ARID1A: variants seen among roughly 807,000 people sequenced by gnomAD.
ARID1A encodes the protein AT-rich interactive domain-containing protein 1A.
In ARID1A, 20 loss-of-function variants were observed where a neutral mutation model predicts 212.6. The observed-to-expected ratio is 0.09, with a 90% CI of 0.07 to 0.14. ARID1A has a LOEUF of 0.14. Ranked by LOEUF, ARID1A falls within the 10% of genes least tolerant of loss-of-function variation. The pLI, the probability that ARID1A is intolerant of heterozygous loss-of-function variation, is 1.00. For synonymous variants in ARID1A, 1,376 were observed against 1,222.1 expected (o/e 1.13, Z -2.63); for missense variants, 2,587 against 3,059.0 (o/e 0.85, Z 3.64).
In ARID1A at chr1:26,739,760, C is replaced by CT. The variant is rs202041056; in HGVS notation, c.1920+6970dup. On this transcript the variant is annotated intron_variant, in intron 4 of 19. Coordinates refer to ENST00000324856, the MANE Select transcript of ARID1A (RefSeq NM_006015.6). ...CTCTATGGTGCTCATCACTGGATCC[C>CT]TTCCTTTAGTGGGGCCAAACTTAGT... 6.6e-4 allele frequency among the ~76,000 whole-genome samples: 101 copies of CT among 152,278 alleles called. No homozygotes were observed. The East Asian group carries it at 7.0e-3, about 10-fold the overall frequency.
At chr1:26,703,358 C>T (rs1269303878) in intron 1 of ARID1A, among the ~76,000 whole-genome samples, 2 of 152,136 alleles carry the variant, frequency 1.3e-5, no homozygotes, top group African/African-American at 4.8e-5. Flanking sequence ...TGTCTGTGGT[C>T]CTCTTCTTTG....
chr1:26,731,499 G>A lies in ARID1A; in HGVS notation c.1698G>A (p.Gln566=). The change falls in exon 3 of 20, where the codon CAG becomes CAA. Residue 566 remains glutamine, a synonymous_variant. Coordinates refer to ENST00000324856, the MANE Select transcript of ARID1A (RefSeq NM_006015.6). The part of the protein sequence containing the change: ...AQSPYQQQQP[Q]QPAPSTLSQQ... ...CTCCTTACCAGCAGCAGCAACCTCAGCAGCCAGCACCCTCGACGCTCTCCC... is the reference window on the plus strand; with the variant it reads ...CTCCTTACCAGCAGCAGCAACCTCAACAGCCAGCACCCTCGACGCTCTCCC... 2 of 1,613,852 alleles carry A rather than the reference G, an allele frequency of 1.2e-6. No homozygotes were observed. Among genetic ancestry groups the A allele is most frequent in the East Asian group, 2.2e-5 (1 of 44,876 alleles).
intron 1 of ARID1A, among the ~76,000 whole-genome samples, chr1:26,725,670 T>C (rs1017355978): frequency 1.3e-5 from 2 of 152,144 alleles, no homozygotes; most frequent in Admixed American, 1.3e-4. Context: ...CTACAAAGAT[T>C]TCCTAAAGTT....
intron 4 of ARID1A, among the ~76,000 whole-genome samples, chr1:26,741,830 T>C: frequency 6.6e-6 from 1 of 152,210 alleles, no homozygotes; most frequent in East Asian, 1.9e-4. Context: ...CCCTTCGTAT[T>C]TTTACTTCTG....
intron 1 of ARID1A, among the ~76,000 whole-genome samples, chr1:26,708,044 G>A (rs934009483): frequency 2.6e-5 from 4 of 152,046 alleles, no homozygotes; most frequent in Non-Finnish European, 5.9e-5. Flanking sequence ...ATTTGACATC[G>A]TGCCTAGAGC....
chr1:26,778,946 G>T, intron 19 of ARID1A, 77 bp from the exon 20 acceptor site: 6 of 1,375,220 alleles, frequency 4.4e-6, no homozygotes, highest in Non-Finnish European at 5.9e-6. Flanking sequence ...AAGACTTGGG[G>T]AGGTCTCTCA....
At chr1:26,758,722 A>G (rs921055366) in intron 4 of ARID1A, among the ~76,000 whole-genome samples, 1 of 152,118 alleles carries the variant, frequency 6.6e-6, no homozygotes, top group Non-Finnish European at 1.5e-5. Context: ...TCCTTCGAGA[A>G]AGGAGGATGT....
At position 26,780,539 on chromosome 1, in the gene ARID1A, GCCT is replaced by G. The variant is rs1318563252; in HGVS notation, c.6647_6649del (p.Leu2216del). 8.7e-6 allele frequency: 14 copies of G among 1,614,180 alleles called. No individual in the cohort carries two copies. The highest frequency in any genetic ancestry group is 1.2e-5 in the Non-Finnish European group (14 of 1,180,002). ...ACACAGTTCCAGCAGAGCCAGGCCA[GCCT>G]CCTCCACATGCAGAACCCACCCTTT... On this transcript the variant is annotated inframe_deletion, in exon 20 of 20. Coordinates refer to ENST00000324856, the MANE Select transcript of ARID1A (RefSeq NM_006015.6). This position sits in a 1 kb window ranked among gnomAD's most constrained non-coding sequence, Gnocchi z 7.2.
intron 4 of ARID1A, among the ~76,000 whole-genome samples, chr1:26,752,765 T>C (rs1273782040): frequency 6.6e-6 from 1 of 151,292 alleles, no homozygotes; most frequent in African/African-American, 2.4e-5. Context: ...TTGGTCATTA[T>C]GGAATTTTTT....
Position 26,696,969 on chromosome 1 carries a change from G to C in ARID1A, c.566G>C (p.Gly189Ala). 6.8e-7 allele frequency: 1 copy of C among 1,481,400 alleles called. No homozygotes were observed. The allele number at this position is 1,481,400 out of a possible 1,614,324, so 91.8% of individuals were successfully genotyped here. Residue 189 changes from glycine (G) to alanine (A), a missense_variant, in exon 1 of 20, where the codon GGC becomes GCC. Coordinates refer to ENST00000324856, the MANE Select transcript of ARID1A (RefSeq NM_006015.6). The stretch of plus-strand genomic sequence containing the variant: ...CTGGCAGCGCTGCAGAGCGGCGGCG[G>C]CGGGGGCCTGGAGCCCTACGCGGGG... ...PGLAALQSGG[G>A]GGLEPYAGPQ...
At chr1:26,760,518 T>C (rs1411028607) in intron 4 of ARID1A, among the ~76,000 whole-genome samples, 1 of 152,042 alleles carries the variant, frequency 6.6e-6, no homozygotes, top group Non-Finnish European at 1.5e-5. Flanking sequence ...AGAAAACCCG[T>C]CTCTACTAAA....
chr1:26,707,406 A>T (rs562234994), intron 1 of ARID1A, among the ~76,000 whole-genome samples: 2 of 151,524 alleles, frequency 1.3e-5, no homozygotes, highest in Non-Finnish European at 2.9e-5. Flanking sequence ...ATGGGGTTTC[A>T]TCATGCTGGC....
In ARID1A at chr1:26,780,757, C is replaced by CA. The variant is rs748607027; in HGVS notation, c.*2dup. Reference sequence around the variant, plus strand: ...ACTGTTTTTGATTGGCCAGTCATGACAGCCGTGGGACACCTCCCCCCCCCG... The same window carrying CA: ...ACTGTTTTTGATTGGCCAGTCATGACAAGCCGTGGGACACCTCCCCCCCCCG... On this transcript the variant is annotated 3_prime_UTR_variant, in exon 20 of 20. Transcript: ENST00000324856. The surrounding 1 kb of genome is among the most constrained non-coding windows in gnomAD (Gnocchi z 7.2). 1.9e-6 allele frequency: 3 copies of CA among 1,554,592 alleles called. No individual in the cohort carries two copies. In the Admixed American group the frequency reaches 5.1e-5, roughly 27 times the overall value.
At chr1:26,761,165 G>T (rs1225631329) in intron 5 of ARID1A, 69 bp downstream of exon 5, 1 of 1,577,066 alleles carries the variant, frequency 6.3e-7, no homozygotes, top group African/African-American at 1.4e-5. Flanking sequence ...AGGAGCCCTA[G>T]TCTTCCACTG....
chr1:26,746,652 G>A (rs576861215), intron 4 of ARID1A, among the ~76,000 whole-genome samples: 9 of 152,294 alleles, frequency 5.9e-5, no homozygotes, highest in Admixed American at 5.9e-4. Flanking sequence ...CCAGCACTTT[G>A]GGAGGCCGAG....
At chr1:26,697,771 C>T (rs1028840713) in intron 1 of ARID1A, among the ~76,000 whole-genome samples, 1 of 151,328 alleles carries the variant, frequency 6.6e-6, no homozygotes, top group Non-Finnish European at 1.5e-5. Context: ...CCTCTTTTTC[C>T]TCTCCCCTGG....
intron 1 of ARID1A, 73 bp downstream of exon 1, chr1:26,697,613 C>CCA: frequency 8.0e-7 from 1 of 1,243,744 alleles, no homozygotes; most frequent in Non-Finnish European, 1.0e-6. Flanking sequence ...GGTGAGCGGG[C>CCA]CACAGCCTTG....
At chr1:26,736,053 G>A (rs1408258715) in intron 4 of ARID1A, among the ~76,000 whole-genome samples, 3 of 152,128 alleles carry the variant, frequency 2.0e-5, no homozygotes, top group African/African-American at 4.8e-5. Context: ...GGCCGGGCGT[G>A]GTGGCTCACG....
In ARID1A at chr1:26,780,300, G is replaced by C. The variant is rs2124148697; in HGVS notation, c.6402G>C (p.Leu2134=). 6.2e-7 allele frequency: 1 copy of C among 1,614,206 alleles called. No individual in the cohort carries two copies. The highest frequency in any genetic ancestry group is 1.1e-5 in the South Asian group (1 of 91,078). Residue 2134 remains leucine (L), a synonymous_variant, in exon 20 of 20, where the codon CTG becomes CTC. Transcript: ENST00000324856. This position sits in a 1 kb window ranked among gnomAD's most constrained non-coding sequence, Gnocchi z 7.2. ...KLSIQDNNVD[L]ILATPPFSRL... ...GCATCCAGGACAACAATGTGGACCT[G>C]ATTCTGGCCACACCCCCCTTCAGCC...
Sources: allele counts gnomAD v4.1 joint callset (sites outside exome capture counted in the v4.1 genomes callset), GRCh38; gene constraint gnomAD v4.1.1; non-coding constraint Gnocchi (gnomAD v3.1); transcripts MANE v1.5; gene names NCBI Gene and HGNC (gene_info 2026-07-23, HGNC 2026-07-21).